The following GRAMD2B variants were observed in gnomAD, a reference collection of about 807,000 sequenced individuals.
GRAMD2B encodes the protein GRAM domain-containing protein 2B.
Under a neutral mutation model 59.2 loss-of-function variants are expected in GRAMD2B, and 41 were observed. The ratio of observed to expected loss-of-function variants is 0.69; its 90% confidence interval spans 0.54 to 0.90. The LOEUF is 0.90. GRAMD2B is among the 40% of genes least tolerant of loss of function. The pLI is 0.00. For synonymous variants in GRAMD2B, 161 were observed against 182.7 expected, an observed-to-expected ratio of 0.88 and a Z score of 0.96; for missense variants, 424 against 500.5, an observed-to-expected ratio of 0.85 and a Z score of 1.46.
intron 1 of GRAMD2B, among the ~76,000 whole-genome samples, chr5:126,457,214 AAAAAAAAG>A (rs1766468990): frequency 1.3e-5 from 2 of 149,064 alleles, no homozygotes; most frequent in African/African-American, 5.0e-5. Flanking sequence ...AAAAAAAAAA[AAAAAAAAG>A]AAGTACCTGG....
At chr5:126,426,142 AAAT>A (rs1760579080) in intron 1 of GRAMD2B, among the ~76,000 whole-genome samples, 1 of 152,034 alleles carries the variant, frequency 6.6e-6, no homozygotes, top group South Asian at 2.1e-4. Context: ...TGTCAATTAA[AAAT>A]AATATTAATT....
At chr5:126,445,992 G>A (rs1006383961) in intron 1 of GRAMD2B, among the ~76,000 whole-genome samples, 1 of 152,114 alleles carries the variant, frequency 6.6e-6, no homozygotes, top group Non-Finnish European at 1.5e-5. Flanking sequence ...ACTAGTGTGA[G>A]AACAGGAACT....
At chr5:126,465,932 G>T (rs1216264285) in intron 2 of GRAMD2B, among the ~76,000 whole-genome samples, 2 of 152,084 alleles carry the variant, frequency 1.3e-5, no homozygotes, top group Non-Finnish European at 2.9e-5. Flanking sequence ...TCCCCATCCC[G>T]GGGACCCACC....
At chr5:126,482,655 GTAT>G (rs1369471876) in intron 8 of GRAMD2B, among the ~76,000 whole-genome samples, 3 of 152,158 alleles carry the variant, frequency 2.0e-5, no homozygotes, top group Non-Finnish European at 4.4e-5. Context: ...ATAAATCCTT[GTAT>G]GAAATCGAAA....
chr5:126,417,829 A>G (rs538879161), intron 1 of GRAMD2B, among the ~76,000 whole-genome samples: 3 of 152,164 alleles, frequency 2.0e-5, no homozygotes, highest in Non-Finnish European at 2.9e-5. Context: ...TGTTTGGCAC[A>G]TTCACTCTCC....
intron 13 of GRAMD2B, 132 bp downstream of exon 13, chr5:126,489,024 G>A: frequency 1.9e-6 from 1 of 528,060 alleles, no homozygotes. Context: ...ACCCTGGCTA[G>A]GGGCTTTTTA....
At chr5:126,434,508 T>TTTTTTATTTTTA (rs369898125) in intron 1 of GRAMD2B, among the ~76,000 whole-genome samples, 11 of 151,308 alleles carry the variant, frequency 7.3e-5, no homozygotes, top group African/African-American at 2.5e-4. Context: ...AATTATCCTT[T>TTTTTTATTTTTA]TTTTTATTTT....
chr5:126,474,564 G>A (rs1318487805), intron 5 of GRAMD2B, among the ~76,000 whole-genome samples: 2 of 152,160 alleles, frequency 1.3e-5, no homozygotes, highest in Admixed American at 1.3e-4. Flanking sequence ...TTCATGGAAT[G>A]GGGAAGGGGA....
At chr5:126,447,281 C>T (rs987193079) in intron 1 of GRAMD2B, among the ~76,000 whole-genome samples, 1 of 152,184 alleles carries the variant, frequency 6.6e-6, no homozygotes, top group African/African-American at 2.4e-5. Flanking sequence ...GCCAGTTTTC[C>T]CAAGCCCAGG....
chr5:126,459,474 G>T (rs1766951292), intron 1 of GRAMD2B, among the ~76,000 whole-genome samples: 1 of 152,154 alleles, frequency 6.6e-6, no homozygotes, highest in Non-Finnish European at 1.5e-5. Flanking sequence ...ATGTTACTAA[G>T]AATCTGTGAA....
intron 1 of GRAMD2B, among the ~76,000 whole-genome samples, chr5:126,462,034 C>A (rs1767473973): frequency 6.6e-6 from 1 of 152,176 alleles, no homozygotes; most frequent in African/African-American, 2.4e-5. Flanking sequence ...TGGATACTTA[C>A]ACCTGCCAGC....
intron 1 of GRAMD2B, among the ~76,000 whole-genome samples, chr5:126,435,740 T>G (rs1053616108): frequency 4.6e-5 from 7 of 152,252 alleles, no homozygotes; most frequent in Non-Finnish European, 1.0e-4. Flanking sequence ...AAGAATTCTA[T>G]TAGACTGAAC....
intron 1 of GRAMD2B, among the ~76,000 whole-genome samples, chr5:126,447,553 A>C (rs972070927): frequency 3.3e-5 from 5 of 151,784 alleles, no homozygotes; most frequent in Non-Finnish European, 5.9e-5. Context: ...AGTCCCAGCT[A>C]CTCAGGAGGC....
chr5:126,411,651 T>C lies in GRAMD2B; in HGVS notation c.125+40084T>C, dbSNP rs532426929. ...CTTATTCTGTTAAAAATGATGTTGA[T>C]AGCTTGATAGGAATAGCAATGAATC... On this transcript the variant is annotated intron_variant, in intron 1 of 8. Coordinates refer to the GRAMD2B transcript ENST00000506445. Among the ~76,000 whole-genome samples, 5 of 152,244 alleles carry C rather than the reference T, an allele frequency of 3.3e-5. No homozygotes were observed. In the East Asian group the frequency reaches 9.7e-4, roughly 29 times the overall value.
intron 1 of GRAMD2B, among the ~76,000 whole-genome samples, chr5:126,399,738 C>G (rs1423627812): frequency 6.6e-6 from 1 of 152,148 alleles, no homozygotes; most frequent in Non-Finnish European, 1.5e-5. Context: ...ATACAGTGAT[C>G]TTTCACTCGA....
chr5:126,439,239 T>A (rs970277721), intron 1 of GRAMD2B, among the ~76,000 whole-genome samples: 1 of 152,154 alleles, frequency 6.6e-6, no homozygotes, highest in African/African-American at 2.4e-5. Context: ...GAGGTTGGAC[T>A]TTCCGTATGT....
chr5:126,389,629 T>C (rs907875288), intron 1 of GRAMD2B, among the ~76,000 whole-genome samples: 1 of 152,254 alleles, frequency 6.6e-6, no homozygotes, highest in African/African-American at 2.4e-5. Context: ...GATTATTATA[T>C]GTTTTTTCAA....
intron 1 of GRAMD2B, among the ~76,000 whole-genome samples, chr5:126,375,093 G>A (rs1755064157): frequency 6.6e-6 from 1 of 152,056 alleles, no homozygotes; most frequent in South Asian, 2.1e-4. Context: ...CTTCAATAAA[G>A]TTTTAGAATA....
chr5:126,415,075 C>G (rs1759144045), intron 1 of GRAMD2B, among the ~76,000 whole-genome samples: 1 of 152,112 alleles, frequency 6.6e-6, no homozygotes, highest in Admixed American at 6.6e-5. Context: ...GAATCACATT[C>G]CAGTACAAAG....
Sources: allele counts gnomAD v4.1 joint callset (sites outside exome capture counted in the v4.1 genomes callset), GRCh38; gene constraint gnomAD v4.1.1; transcripts MANE v1.5; gene names NCBI Gene and HGNC (gene_info 2026-07-23, HGNC 2026-07-21).